C18orf63: variants seen among roughly 807,000 people sequenced by gnomAD.
C18orf63 encodes uncharacterized protein C18orf63.
C18orf63 carries 50 observed loss-of-function variants against 75.3 expected under a neutral mutation model. That is an observed-to-expected ratio of 0.66 (90% confidence interval 0.53 to 0.84). The LOEUF is 0.84. C18orf63 is among the 40% of genes least tolerant of loss of function. C18orf63 has a pLI of 0.00. For missense variants in C18orf63, 732 were observed against 800.2 expected (o/e 0.91, Z 1.03); for synonymous variants, 232 against 267.6 (o/e 0.87, Z 1.30).
intron 6 of C18orf63, among the ~76,000 whole-genome samples, chr18:74,329,253 T>C (rs1984261759): frequency 6.6e-6 from 1 of 151,566 alleles, no homozygotes; most frequent in Non-Finnish European, 1.5e-5. Flanking sequence ...ACCACACCTG[T>C]AGCCCCGTCT....
intron 11 of C18orf63, among the ~76,000 whole-genome samples, chr18:74,352,126 A>G (rs1377659462): frequency 6.6e-6 from 1 of 152,186 alleles, no homozygotes; most frequent in African/African-American, 2.4e-5. Context: ...CATTATGCTA[A>G]ATGAAATAAG....
rs567181348 is a variant in C18orf63, at chr18:74,354,227, G to C, written c.1960G>C (p.Asp654His). 4 of 1,534,174 alleles carry C rather than the reference G, an allele frequency of 2.6e-6. No individual in the cohort carries two copies. In the South Asian group the frequency reaches 4.8e-5, roughly 18 times the overall value. ...CAAAACTTCAAAGAAGCATCATTCC[G>C]ATACTGTGCACTATGGCCAATCCAG... ...SSKTSKKHHS[D>H]TVHYGQSSSS... The change falls in exon 12 of 14, where the codon GAT becomes CAT. Residue 654 changes from aspartate (D) to histidine (H), a missense_variant. Asp to His is a moderately conservative substitution (Grantham distance 81). Coordinates refer to ENST00000579455, the MANE Select transcript of C18orf63 (RefSeq NM_001174123.2).
intron 4 of C18orf63, 134 bp from the exon 5 acceptor site, chr18:74,327,813 A>G (rs938015171): frequency 1.3e-5 from 8 of 609,024 alleles, no homozygotes; most frequent in Non-Finnish European, 2.3e-5. Flanking sequence ...TAGCTCTAGC[A>G]ATGGCTATAA....
Position 74,353,858 on chromosome 18 carries a change from A to G in C18orf63, c.1591A>G (p.Lys531Glu). The change falls in exon 12 of 14, where the codon AAA becomes GAA. Residue 531 changes from lysine to glutamate, a missense_variant. Around this residue, in one of 3 missense-constraint regions of C18orf63, gnomAD observed 495 missense variants for 508.7 expected, o/e 0.97. Coordinates refer to ENST00000579455, the MANE Select transcript of C18orf63 (RefSeq NM_001174123.2). ...GACAAAATTTCCCTCTTCTCGTGGA[A>G]AATCGACTGTGAGTTTAAACAAAAA... ...NMTKFPSSRG[K>E]STVSLNKNKQ... is the part of the protein sequence containing the mutation. 6.5e-7 allele frequency: 1 copy of G among 1,536,090 alleles called. No individual in the cohort carries two copies. The highest frequency in any genetic ancestry group is 8.7e-7 in the Non-Finnish European group (1 of 1,146,894).
At chr18:74,317,358 G>T (rs1984043525) in intron 1 of C18orf63, among the ~76,000 whole-genome samples, 1 of 152,160 alleles carries the variant, frequency 6.6e-6, no homozygotes, top group Non-Finnish European at 1.5e-5. Flanking sequence ...CAAAAACTAG[G>T]TAACAATTTA....
At chr18:74,331,588 G>A (rs188048999) in intron 7 of C18orf63, among the ~76,000 whole-genome samples, 3 of 152,274 alleles carry the variant, frequency 2.0e-5, no homozygotes, top group African/African-American at 7.2e-5. Context: ...AGGAAGGATG[G>A]TGTTGCTACT....
rs755203393 is a variant in C18orf63, at chr18:74,353,933, G to T, written c.1666G>T (p.Gly556Trp). The T allele has an allele frequency of 6.5e-7, 1 of 1,536,022 alleles. No individual in the cohort carries two copies. Among genetic ancestry groups the T allele is most frequent in the Non-Finnish European group, 8.7e-7 (1 of 1,146,800 alleles). ...ATTTGTGGTGTCAAATAACAATTTA[G>T]GGGTGGTAAAAAGTGCTGTTGACTT... Reference protein sequence around the residue: ...AVFVVSNNNLGVVKSAVDFQM... With the variant: ...AVFVVSNNNLWVVKSAVDFQM... Residue 556 changes from glycine (G) to tryptophan (W), a missense_variant, in exon 12 of 14, where the codon GGG (glycine) becomes TGG (tryptophan). This residue lies in a region of C18orf63 where 495 missense variants were observed against 508.7 expected (regional missense o/e 0.97). Transcript: ENST00000579455.
rs1046291540 is a variant in C18orf63, at chr18:74,329,393, A to C, written c.424+357A>C. On this transcript the variant is annotated intron_variant, in intron 6 of 13. Transcript: ENST00000579455. ...TATTTCAAAAAAAAAAAAAAAAAAA[A>C]AAACCAGTAACATAGATCATTGGGT... is the stretch of plus-strand genomic sequence containing the variant. 7.2e-4 allele frequency among the ~76,000 whole-genome samples: 109 copies of C among 150,368 alleles called. 1 individual carries two copies. The highest frequency in any genetic ancestry group is 2.4e-3 in the African/African-American group (98 of 40,114).
intron 10 of C18orf63, among the ~76,000 whole-genome samples, 168 bp from the exon 11 acceptor site, chr18:74,343,351 A>G (rs1984519556): frequency 6.6e-6 from 1 of 152,176 alleles, no homozygotes; most frequent in African/African-American, 2.4e-5. Context: ...GATCCCTGTG[A>G]GAAAACATAC....
chr18:74,354,368 A>G (rs1022939428), intron 12 of C18orf63, 89 bp from the exon 13 acceptor site: 25 of 1,272,412 alleles, frequency 2.0e-5, no homozygotes, highest in Non-Finnish European at 2.7e-5. Flanking sequence ...TTAGAACCAT[A>G]CTAATTAATA....
At chr18:74,317,414 T>C (rs948592672) in intron 1 of C18orf63, among the ~76,000 whole-genome samples, 1 of 152,196 alleles carries the variant, frequency 6.6e-6, no homozygotes, top group Non-Finnish European at 1.5e-5. Flanking sequence ...AAATAATATA[T>C]TCCTCAACCT....
chr18:74,318,423 G>A (rs1984062854), intron 2 of C18orf63, among the ~76,000 whole-genome samples: 1 of 152,124 alleles, frequency 6.6e-6, no homozygotes. Flanking sequence ...TAATTCTCAA[G>A]TCAGTATGAG....
At chr18:74,322,621 C>A in intron 3 of C18orf63, 77 bp from the exon 4 acceptor site, 1 of 454,400 alleles carries the variant, frequency 2.2e-6, no homozygotes, top group Non-Finnish European at 3.7e-6. Flanking sequence ...TAGAATAATG[C>A]TTAAAATCTT....
intron 3 of C18orf63, 117 bp from the exon 4 acceptor site, chr18:74,322,581 T>G: frequency 3.1e-6 from 1 of 322,156 alleles, no homozygotes; most frequent in Non-Finnish European, 5.6e-6. Context: ...CAAACCCTAA[T>G]TGGATGATGG....
Position 74,353,804 on chromosome 18 carries a change from G to GA in C18orf63, c.1544dup (p.Asn515LysfsTer6), listed in dbSNP as rs1404618501. ...TCAGGAGAATTCCAGACCTCTGCAA[G>GA]AAAAAAATACAGAGTCTTCTGAAAA... On this transcript the variant is annotated frameshift_variant, in exon 12 of 14. Coordinates refer to ENST00000579455, the MANE Select transcript of C18orf63 (RefSeq NM_001174123.2). LOFTEE classifies it high-confidence loss of function. 2.6e-6 allele frequency: 4 copies of GA among 1,535,194 alleles called. No homozygotes were observed. The highest frequency in any genetic ancestry group is 1.4e-5 in the African/African-American group (1 of 72,914).
At chr18:74,336,691 A>G (rs371065056) in intron 7 of C18orf63, among the ~76,000 whole-genome samples, 2 of 152,082 alleles carry the variant, frequency 1.3e-5, no homozygotes, top group South Asian at 4.1e-4. Context: ...ATACTTTCAA[A>G]TGAATGTACT....
In C18orf63 at chr18:74,358,424, A is replaced by G. The variant is rs529456367; in HGVS notation, c.*1977A>G. On this transcript the variant is annotated 3_prime_UTR_variant, in exon 14 of 14. Transcript: ENST00000579455. ...ATATAGATTGTTGATTTCATATTTC[A>G]TGTTCCAAGAAGAGGTTCTAGATCA... 3.3e-5 allele frequency: 5 copies of G among 152,264 alleles called. No individual in the cohort carries two copies. Among genetic ancestry groups the G allele is most frequent in the Middle Eastern group, 3.4e-3 (1 of 294 alleles). 9.4% of individuals were successfully genotyped at this position (152,264 alleles called of 1,614,324 possible). A position where few individuals can be genotyped will look rare whatever the true frequency, so the allele number is the denominator to read the frequency against.
chr18:74,353,937 T>C lies in C18orf63; in HGVS notation c.1670T>C (p.Val557Ala), dbSNP rs985663226. 1 of 1,535,846 alleles carries C rather than the reference T, an allele frequency of 6.5e-7. No individual in the cohort carries two copies. The highest frequency in any genetic ancestry group is 1.4e-5 in the African/African-American group (1 of 73,074). ...VFVVSNNNLG[V>A]VKSAVDFQMK... ...GTGGTGTCAAATAACAATTTAGGGGTGGTAAAAAGTGCTGTTGACTTCCAA... is the reference window on the plus strand; with the variant it reads ...GTGGTGTCAAATAACAATTTAGGGGCGGTAAAAAGTGCTGTTGACTTCCAA... The change falls in exon 12 of 14, where the codon GTG (valine) becomes GCG (alanine). Residue 557 changes from valine to alanine, a missense_variant. Transcript: ENST00000579455.
intron 6 of C18orf63, among the ~76,000 whole-genome samples, chr18:74,329,808 G>C (rs1024472634): frequency 3.3e-5 from 5 of 152,148 alleles, no homozygotes; most frequent in African/African-American, 1.2e-4. Context: ...GATTTGCACA[G>C]TTGTGTTTCA....
Sources: gnomAD v4.1 joint callset for allele counts (sites outside exome capture counted in the v4.1 genomes callset) on GRCh38, gnomAD v4.1.1 for gene constraint, gnomAD v4.1.1 regional missense constraint, MANE v1.5 for transcripts, NCBI Gene and HGNC (gene_info 2026-07-23, HGNC 2026-07-21) for gene names.